The following SMURF2 variants were observed in gnomAD, a reference collection of about 807,000 sequenced individuals.
The protein encoded by SMURF2 is SMAD specific E3 ubiquitin protein ligase 2, also known as E3 ubiquitin-protein ligase SMURF2.
A neutral mutation model predicts 109.6 loss-of-function variants in SMURF2; 48 were observed. The ratio of observed to expected loss-of-function variants is 0.44; its 90% CI spans 0.35 to 0.56. The LOEUF (loss-of-function observed/expected upper bound fraction) is 0.56. Ranked by LOEUF, SMURF2 falls within the 20% of genes least tolerant of loss-of-function variation. The probability of loss-of-function intolerance (pLI) is 0.01; values close to 1 mark genes in which losing one functional copy is unlikely to be tolerated. For synonymous variants in SMURF2, 288 were observed against 317.1 expected, an observed-to-expected ratio of 0.91 and a Z score of 0.97; for missense variants, 575 against 909.0, an observed-to-expected ratio of 0.63 and a Z score of 4.72.
At position 64,554,904 on chromosome 17, in the gene SMURF2, T is replaced by G. The variant is rs782311363; in HGVS notation, c.1700A>C (p.Asn567Thr). The G allele has an allele frequency of 1.2e-6, 2 of 1,613,826 alleles. No homozygotes were observed. Among genetic ancestry groups the G allele is most frequent in the African/African-American group, 2.7e-5 (2 of 75,046 alleles). The change falls in exon 15 of 19, where the codon AAT (asparagine) becomes ACT (threonine). Residue 567 changes from asparagine (N) to threonine (T), a missense_variant. Physicochemically the swap from Asn to Thr is moderately conservative, Grantham distance 65 (BLOSUM62 0). Coordinates refer to ENST00000262435, the MANE Select transcript of SMURF2 (RefSeq NM_022739.4). Reference protein sequence around the residue: ...GEIIQHELKPNGKSIPVNEEN... With the variant: ...GEIIQHELKPTGKSIPVNEEN... ...TTCATTAACAGGGATACTTTTGCCA[T>G]TTGGTTTAAGTTCATGCTGAATAAT...
intron 10 of SMURF2, among the ~76,000 whole-genome samples, chr17:64,570,928 G>A (rs569434298): frequency 4.6e-5 from 7 of 152,064 alleles, no homozygotes; most frequent in Non-Finnish European, 1.0e-4. Context: ...CCACAGGTGC[G>A]CACCACCATG....
chr17:64,637,396 G>T (rs1333057035), intron 1 of SMURF2, among the ~76,000 whole-genome samples: 1 of 152,082 alleles, frequency 6.6e-6, no homozygotes, highest in Non-Finnish European at 1.5e-5. Flanking sequence ...AAAGTGCCAG[G>T]ATTACAGGTG....
At chr17:64,586,282 A>G in intron 5 of SMURF2, 112 bp from the exon 6 acceptor site, 1 of 590,844 alleles carries the variant, frequency 1.7e-6, no homozygotes, top group Non-Finnish European at 2.8e-6. Context: ...ATACTTTAGA[A>G]TGAACTCTTT....
chr17:64,589,447 A>G (rs1969718576), intron 5 of SMURF2, among the ~76,000 whole-genome samples: 1 of 151,588 alleles, frequency 6.6e-6, no homozygotes, highest in South Asian at 2.1e-4. Context: ...ATTATCAGTA[A>G]TGATGTAGTG....
At chr17:64,588,091 C>CAAAAA (rs375759315) in intron 5 of SMURF2, among the ~76,000 whole-genome samples, 1 of 68,894 alleles carries the variant, frequency 1.5e-5, no homozygotes, top group Non-Finnish European at 3.3e-5. Flanking sequence ...GTTTATGGTC[C>CAAAAA]AAAAAAAAAA....
chr17:64,642,870 C>T (rs1970509696), intron 1 of SMURF2, among the ~76,000 whole-genome samples: 1 of 152,070 alleles, frequency 6.6e-6, no homozygotes, highest in Non-Finnish European at 1.5e-5. Flanking sequence ...TCATGGCTCA[C>T]TGCAGCTTCG....
At chr17:64,623,624 A>T (rs1320104133) in intron 1 of SMURF2, among the ~76,000 whole-genome samples, 1 of 152,224 alleles carries the variant, frequency 6.6e-6, no homozygotes, top group Non-Finnish European at 1.5e-5. Context: ...AATATACATC[A>T]CATTTCCTAG....
intron 1 of SMURF2, among the ~76,000 whole-genome samples, chr17:64,634,777 C>T (rs1970393198): frequency 1.3e-5 from 2 of 152,190 alleles, no homozygotes; most frequent in African/African-American, 2.4e-5. Context: ...AAAGAAGACA[C>T]AGTCCTTGAA....
intron 5 of SMURF2, among the ~76,000 whole-genome samples, chr17:64,587,724 T>C (rs1391155450): frequency 6.6e-6 from 1 of 152,204 alleles, no homozygotes; most frequent in Non-Finnish European, 1.5e-5. Flanking sequence ...GAGAGAACAC[T>C]ATGAACACCT....
At chr17:64,562,087 G>A (rs138283101) in intron 11 of SMURF2, among the ~76,000 whole-genome samples, 1,777 of 151,970 alleles carry the variant, frequency 0.012, 33 homozygotes, top group African/African-American at 0.041. Flanking sequence ...GAGGTCAAGA[G>A]ATCGAGACCA....
At chr17:64,549,955 G>A (rs1298362181) in intron 16 of SMURF2, among the ~76,000 whole-genome samples, 3 of 152,168 alleles carry the variant, frequency 2.0e-5, no homozygotes, top group Non-Finnish European at 4.4e-5. Flanking sequence ...GAGGTTATCC[G>A]AAAAGGATTA....
chr17:64,570,268 A>G (rs541451698), intron 10 of SMURF2, among the ~76,000 whole-genome samples: 1 of 152,352 alleles, frequency 6.6e-6, no homozygotes, highest in East Asian at 1.9e-4. Flanking sequence ...TTTAACATAC[A>G]TAAGAACTTT....
chr17:64,580,449 C>T (rs1555686447), intron 8 of SMURF2, among the ~76,000 whole-genome samples: 1 of 152,200 alleles, frequency 6.6e-6, no homozygotes, highest in Non-Finnish European at 1.5e-5. Context: ...TTACCGTTAT[C>T]AGTAACAATA....
At chr17:64,575,524 G>C (rs564035645) in intron 9 of SMURF2, among the ~76,000 whole-genome samples, 37 of 152,108 alleles carry the variant, frequency 2.4e-4, no homozygotes, top group South Asian at 8.3e-4. Context: ...AAAGTAATGA[G>C]TAATAGCACA....
chr17:64,557,572 A>G, intron 13 of SMURF2, 36 bp downstream of exon 13: 1 of 1,264,394 alleles, frequency 7.9e-7, no homozygotes, highest in Non-Finnish European at 1.2e-6. Flanking sequence ...GAAAAGCATT[A>G]TTGGTCACAA....
intron 5 of SMURF2, 142 bp downstream of exon 5, chr17:64,590,942 A>T: frequency 2.1e-6 from 1 of 476,102 alleles, no homozygotes; most frequent in Non-Finnish European, 3.6e-6. Flanking sequence ...TGGATCCTGG[A>T]TTCACTGTAA....
chr17:64,580,816 T>A lies in SMURF2; in HGVS notation c.745A>T (p.Thr249Ser). Residue 249 changes from threonine to serine, a missense_variant, in exon 8 of 19, where the codon ACT (threonine) becomes TCT (serine). Physicochemically the swap from Thr to Ser is moderately conservative, Grantham distance 58 (BLOSUM62 1). This residue lies in a region of SMURF2 where 361 missense variants were observed against 612.1 expected (regional missense o/e 0.59). Coordinates refer to ENST00000262435, the MANE Select transcript of SMURF2 (RefSeq NM_022739.4). Reference sequence around the variant, plus strand: ...TAGCCTTCTGGTAGGTCTGGAGGAGTATGTAAATGTGTTCTGCTCATGTAA... The same window carrying A: ...TAGCCTTCTGGTAGGTCTGGAGGAGAATGTAAATGTGTTCTGCTCATGTAA... ...RNYMSRTHLHTPPDLPEGYEQ... is the reference protein window; with the variant it reads ...RNYMSRTHLHSPPDLPEGYEQ... 1 of 1,614,066 alleles carries A rather than the reference T, an allele frequency of 6.2e-7. No homozygotes were observed. Among genetic ancestry groups the A allele is most frequent in the South Asian group, 1.1e-5 (1 of 91,082 alleles).
Position 64,551,620 on chromosome 17 carries a change from T to G in SMURF2, c.1833A>C (p.Gln611His). The G allele has an allele frequency of 3.7e-6, 6 of 1,614,090 alleles. No individual in the cohort carries two copies. The highest frequency in any genetic ancestry group is 5.1e-6 in the Non-Finnish European group (6 of 1,179,954). ...TCTCATCAAATGTCTTCAGCAGATGTTGTGGAATTACTTCATTAAATCCTT... is the reference window on the plus strand; with the variant it reads ...TCTCATCAAATGTCTTCAGCAGATGGTGTGGAATTACTTCATTAAATCCTT... ...LQKGFNEVIP[Q>H]HLLKTFDEKE... Residue 611 changes from glutamine (Q) to histidine (H), a missense_variant, in exon 16 of 19, where the codon CAA becomes CAC. Around this residue, in one of 5 missense-constraint regions of SMURF2, gnomAD observed 361 missense variants for 612.1 expected, o/e 0.59. Coordinates refer to ENST00000262435, the MANE Select transcript of SMURF2 (RefSeq NM_022739.4).
intron 18 of SMURF2, 45 bp from the exon 19 acceptor site, chr17:64,545,992 G>T (rs1176138170): frequency 7.9e-7 from 1 of 1,261,496 alleles, no homozygotes; most frequent in African/African-American, 1.5e-5. Context: ...TTCAAAATAA[G>T]TAAACTGGCC....
Sources: allele counts gnomAD v4.1 joint callset (sites outside exome capture counted in the v4.1 genomes callset), GRCh38; gene constraint gnomAD v4.1.1; regional missense constraint gnomAD v4.1.1; transcripts MANE v1.5; gene names NCBI Gene and HGNC (gene_info 2026-07-23, HGNC 2026-07-21).